PTPRT: variants seen among roughly 807,000 people sequenced by gnomAD.
PTPRT encodes protein tyrosine phosphatase receptor type T.
A neutral mutation model predicts 176.8 loss-of-function variants in PTPRT; 56 were observed. The observed-to-expected ratio is 0.32, with a 90% CI of 0.26 to 0.40. PTPRT has a LOEUF of 0.40. PTPRT is among the 10% of genes least tolerant of loss of function. The pLI is 1.00. For missense variants in PTPRT, 1,540 were observed against 1,908.2 expected, an observed-to-expected ratio of 0.81 and a Z score of 3.60; for synonymous variants, 783 against 739.0, an observed-to-expected ratio of 1.06 and a Z score of -0.96.
At chr20:42,716,081 G>A (rs557440560) in intron 6 of PTPRT, among the ~76,000 whole-genome samples, 1 of 152,124 alleles carries the variant, frequency 6.6e-6, no homozygotes, top group Non-Finnish European at 1.5e-5. Flanking sequence ...TCCACTCTTG[G>A]TGGCTGCTCC....
At chr20:42,274,690 C>T (rs2056999090) in intron 13 of PTPRT, among the ~76,000 whole-genome samples, 1 of 152,010 alleles carries the variant, frequency 6.6e-6, no homozygotes, top group South Asian at 2.1e-4. Flanking sequence ...CAGAGAGATG[C>T]TGCTGGGCTA....
intron 7 of PTPRT, among the ~76,000 whole-genome samples, chr20:42,665,753 C>G (rs1285549238): frequency 6.6e-6 from 1 of 152,070 alleles, no homozygotes. Flanking sequence ...CCATGGAATA[C>G]TATGCAGCCA....
intron 7 of PTPRT, among the ~76,000 whole-genome samples, chr20:42,633,818 T>A (rs12480113): frequency 0.022 from 1,250 of 57,534 alleles, 34 homozygotes; most frequent in Non-Finnish European, 0.025. Flanking sequence ...TATATATATA[T>A]AATAAAATAT....
chr20:42,311,929 G>C (rs556726006), intron 12 of PTPRT, among the ~76,000 whole-genome samples: 1 of 152,266 alleles, frequency 6.6e-6, no homozygotes, highest in African/African-American at 2.4e-5. Context: ...TCTAACATGA[G>C]AAAATGAGCA....
intron 6 of PTPRT, among the ~76,000 whole-genome samples, chr20:42,740,887 T>A (rs1185852028): frequency 6.6e-6 from 1 of 152,156 alleles, no homozygotes; most frequent in Non-Finnish European, 1.5e-5. Context: ...ATTCATCAGA[T>A]CCCATTGAGG....
At chr20:42,137,130 G>C (rs1988415067) in intron 18 of PTPRT, among the ~76,000 whole-genome samples, 1 of 152,220 alleles carries the variant, frequency 6.6e-6, no homozygotes, top group Non-Finnish European at 1.5e-5. Flanking sequence ...TGCAAGTAGT[G>C]AGTGTTTGGG....
intron 1 of PTPRT, among the ~76,000 whole-genome samples, chr20:43,018,398 A>G (rs1985475913): frequency 6.6e-6 from 1 of 152,236 alleles, no homozygotes; most frequent in Non-Finnish European, 1.5e-5. Context: ...AAAAAGAAAA[A>G]CATAAAACAT....
chr20:42,737,917 T>C (rs1311893940), intron 6 of PTPRT, among the ~76,000 whole-genome samples: 2 of 152,206 alleles, frequency 1.3e-5, no homozygotes, highest in African/African-American at 4.8e-5. Context: ...AGCCCCACCT[T>C]GCAGGACAGG....
At chr20:43,097,859 TC>T (rs2012231077) in intron 1 of PTPRT, among the ~76,000 whole-genome samples, 1 of 152,216 alleles carries the variant, frequency 6.6e-6, no homozygotes, top group African/African-American at 2.4e-5. Context: ...TTAAGTATCT[TC>T]TGTGTGGCTC....
intron 7 of PTPRT, among the ~76,000 whole-genome samples, chr20:42,675,706 C>T (rs1435037366): frequency 2.6e-5 from 4 of 152,230 alleles, no homozygotes; most frequent in African/African-American, 9.6e-5. Flanking sequence ...ATACCTGGAT[C>T]AGCTGGTGAA....
chr20:42,804,159 G>A (rs1161909751), intron 2 of PTPRT, among the ~76,000 whole-genome samples: 1 of 151,898 alleles, frequency 6.6e-6, no homozygotes, highest in African/African-American at 2.4e-5. Flanking sequence ...GATTTTCTAC[G>A]GTTTTCATCC....
chr20:42,521,378 C>T (rs2072173165), intron 7 of PTPRT, among the ~76,000 whole-genome samples: 1 of 152,116 alleles, frequency 6.6e-6, no homozygotes, highest in South Asian at 2.1e-4. Context: ...GAATGTCATG[C>T]TTTCTATGTT....
At chr20:42,071,897 G>T (rs1348293477), downstream of PTPRT, among the ~76,000 whole-genome samples, 1 of 151,958 alleles carries the variant, frequency 6.6e-6, no homozygotes, top group East Asian at 1.9e-4. Context: ...GGGCCTAAGT[G>T]ATCTCCCACT....
intron 1 of PTPRT, among the ~76,000 whole-genome samples, chr20:42,928,080 T>C (rs985795409): frequency 6.6e-6 from 1 of 151,850 alleles, no homozygotes; most frequent in Non-Finnish European, 1.5e-5. Context: ...GCAGGGAAGG[T>C]GAAGGTTGCT....
intron 7 of PTPRT, among the ~76,000 whole-genome samples, chr20:42,584,563 C>T (rs1292714875): frequency 6.6e-6 from 1 of 152,128 alleles, no homozygotes; most frequent in Admixed American, 6.5e-5. Context: ...CACCTCAGCC[C>T]TCTGGAGAGC....
chr20:43,027,787 G>A (rs1254167998), intron 1 of PTPRT, among the ~76,000 whole-genome samples: 1 of 152,112 alleles, frequency 6.6e-6, no homozygotes, highest in African/African-American at 2.4e-5. Flanking sequence ...CTACCTACAT[G>A]TGTAACTCAC....
At chr20:42,574,167 G>A (rs946329504) in intron 7 of PTPRT, among the ~76,000 whole-genome samples, 3 of 152,106 alleles carry the variant, frequency 2.0e-5, no homozygotes, top group African/African-American at 7.2e-5. Flanking sequence ...CGGTTGGAGG[G>A]CCATGGCAGC....
intron 7 of PTPRT, among the ~76,000 whole-genome samples, chr20:42,496,860 A>G (rs2071663925): frequency 6.6e-6 from 1 of 152,086 alleles, no homozygotes; most frequent in Non-Finnish European, 1.5e-5. Flanking sequence ...TACCGTTGAC[A>G]ATGCATTCCA....
chr20:42,344,441 T>C (rs2058157619), intron 11 of PTPRT, among the ~76,000 whole-genome samples: 1 of 152,158 alleles, frequency 6.6e-6, no homozygotes, highest in Admixed American at 6.5e-5. Flanking sequence ...AAGAGCATAA[T>C]GGTCTTAGGT....
Sources: gnomAD v4.1 joint callset for allele counts (sites outside exome capture counted in the v4.1 genomes callset) on GRCh38, gnomAD v4.1.1 for gene constraint, MANE v1.5 for transcripts, NCBI Gene and HGNC (gene_info 2026-07-23, HGNC 2026-07-21) for gene names.